CADM1: variants seen among roughly 807,000 people sequenced by gnomAD.
CADM1 encodes cell adhesion molecule 1.
A neutral mutation model predicts 53.1 loss-of-function variants in CADM1; 15 were observed. That is an observed-to-expected ratio of 0.28 (90% CI 0.19 to 0.44). The LOEUF is 0.44. Among genes scored for constraint, CADM1 ranks in the 20% least tolerant of loss-of-function variants. The probability of loss-of-function intolerance (pLI) is 1.00; values close to 1 mark genes in which losing one functional copy is unlikely to be tolerated. For missense variants in CADM1, 434 were observed against 611.3 expected (o/e 0.71, Z 3.06); for synonymous variants, 281 against 243.0 (o/e 1.16, Z -1.45).
At chr11:115,181,239 G>T (rs1939298580) in intron 10 of CADM1, among the ~76,000 whole-genome samples, 1 of 152,068 alleles carries the variant, frequency 6.6e-6, no homozygotes, top group South Asian at 2.1e-4. Context: ...CAAACAAAAA[G>T]ATCTCACGAG....
At position 115,427,940 on chromosome 11, in the gene CADM1, A is replaced by G. The variant is rs1947933954; in HGVS notation, c.124+76331T>C. Among the ~76,000 whole-genome samples the G allele has an allele frequency of 2.8e-5, 4 of 141,846 alleles. No individual in the cohort carries two copies. The South Asian group carries it at 9.5e-4, about 34-fold the overall frequency. The allele number at this position is 141,846 out of a possible 152,430, so 93.1% of individuals were successfully genotyped here. On this transcript the variant is annotated intron_variant, in intron 1 of 11. Coordinates refer to ENST00000331581, the MANE Select transcript of CADM1 (RefSeq NM_001301043.2). The stretch of plus-strand genomic sequence containing the variant: ...GAGAATCCTTAAGCCCATGAGGCGG[A>G]GCTTGCAGTGAATCAAGATCATGCC...
At chr11:115,330,279 C>T (rs1385568942) in intron 1 of CADM1, among the ~76,000 whole-genome samples, 2 of 152,018 alleles carry the variant, frequency 1.3e-5, no homozygotes, top group African/African-American at 2.4e-5. Context: ...TTAAAGTTCT[C>T]ATTTACTAGA....
intron 1 of CADM1, among the ~76,000 whole-genome samples, chr11:115,355,809 T>C (rs1244787852): frequency 6.6e-6 from 1 of 152,122 alleles, no homozygotes; most frequent in African/African-American, 2.4e-5. Context: ...TATTACTCTT[T>C]TCCTGAGGTA....
chr11:115,329,004 A>G (rs1005740017), intron 1 of CADM1, among the ~76,000 whole-genome samples: 6 of 151,670 alleles, frequency 4.0e-5, no homozygotes, highest in Admixed American at 3.9e-4. Flanking sequence ...TAAACCTTCA[A>G]TAAATTTTAA....
At chr11:115,327,323 A>G (rs1181137432) in intron 1 of CADM1, among the ~76,000 whole-genome samples, 1 of 152,010 alleles carries the variant, frequency 6.6e-6, no homozygotes, top group East Asian at 1.9e-4. Context: ...CATGCAGCCA[A>G]TTTTCCAGCA....
intron 1 of CADM1, among the ~76,000 whole-genome samples, chr11:115,410,540 G>A (rs561989144): frequency 6.6e-6 from 1 of 152,268 alleles, no homozygotes; most frequent in South Asian, 2.1e-4. Flanking sequence ...GAAGCAGAGG[G>A]TGCATTATGT....
At chr11:115,416,518 T>C (rs1947601370) in intron 1 of CADM1, among the ~76,000 whole-genome samples, 1 of 152,112 alleles carries the variant, frequency 6.6e-6, no homozygotes, top group African/African-American at 2.4e-5. Context: ...CAAGCACAGA[T>C]AAAGCACACT....
intron 1 of CADM1, among the ~76,000 whole-genome samples, chr11:115,488,036 GA>G (rs11404998): frequency 1.4e-5 from 2 of 147,424 alleles, no homozygotes; most frequent in African/African-American, 2.5e-5. Context: ...GCAATCCCTG[GA>G]AAAAAAAAAA....
At chr11:115,238,995 T>C (rs531822112) in intron 2 of CADM1, among the ~76,000 whole-genome samples, 1 of 151,934 alleles carries the variant, frequency 6.6e-6, no homozygotes, top group East Asian at 1.9e-4. Flanking sequence ...ATACTAGAGA[T>C]AGACAAAAAG....
intron 8 of CADM1, among the ~76,000 whole-genome samples, chr11:115,201,568 T>C (rs1458496822): frequency 6.6e-6 from 1 of 152,238 alleles, no homozygotes; most frequent in African/African-American, 2.4e-5. Context: ...GGTGACCATA[T>C]TGTTGGGTAA....
At chr11:115,347,969 T>C (rs1339669814) in intron 1 of CADM1, among the ~76,000 whole-genome samples, 1 of 152,188 alleles carries the variant, frequency 6.6e-6, no homozygotes, top group Non-Finnish European at 1.5e-5. Context: ...GAACATATGA[T>C]ATAATGCTCT....
intron 1 of CADM1, among the ~76,000 whole-genome samples, chr11:115,408,204 G>C (rs1591788887): frequency 1.3e-5 from 2 of 152,216 alleles, no homozygotes; most frequent in East Asian, 1.9e-4. Context: ...TTTTACATGT[G>C]AACACTGGAA....
At chr11:115,230,056 T>A (rs1032296046) in intron 4 of CADM1, among the ~76,000 whole-genome samples, 4 of 152,210 alleles carry the variant, frequency 2.6e-5, no homozygotes, top group African/African-American at 9.7e-5. Flanking sequence ...TCTTTTAATG[T>A]TTTGTACTTA....
At chr11:115,259,290 C>CTTTTTTTTTTT (rs71066411) in intron 1 of CADM1, among the ~76,000 whole-genome samples, 3 of 55,056 alleles carry the variant, frequency 5.4e-5, no homozygotes, top group African/African-American at 2.2e-4. Context: ...CCAGTCTTAA[C>CTTTTTTTTTTT]TTTTTTTTTT....
At chr11:115,179,019 AG>A (rs895255585) in intron 10 of CADM1, 6 of 514,490 alleles carry the variant, frequency 1.2e-5, no homozygotes, top group African/African-American at 1.2e-4. Context: ...ATGTGGAACA[AG>A]CTTAGGGAGG....
At chr11:115,199,880 G>A (rs1242152271) in intron 8 of CADM1, among the ~76,000 whole-genome samples, 1 of 152,208 alleles carries the variant, frequency 6.6e-6, no homozygotes, top group Non-Finnish European at 1.5e-5. Context: ...GAGCTGTGGA[G>A]ACGCCAAAAG....
At chr11:115,478,738 T>G (rs1326881826) in intron 1 of CADM1, among the ~76,000 whole-genome samples, 3 of 152,170 alleles carry the variant, frequency 2.0e-5, no homozygotes, top group African/African-American at 4.8e-5. Flanking sequence ...GCCAATTAGA[T>G]AGTATGCATT....
At chr11:115,243,858 A>T (rs1013440524) in intron 1 of CADM1, among the ~76,000 whole-genome samples, 4 of 152,248 alleles carry the variant, frequency 2.6e-5, no homozygotes, top group African/African-American at 7.2e-5. Flanking sequence ...GTCAAGGCAG[A>T]AACAGGACAT....
intron 10 of CADM1, among the ~76,000 whole-genome samples, chr11:115,184,198 C>A (rs1464123772): frequency 6.6e-6 from 1 of 151,722 alleles, no homozygotes; most frequent in Non-Finnish European, 1.5e-5. Context: ...CATAATCTGA[C>A]CTAAAAAAAA....
Sources: gnomAD v4.1 joint callset for allele counts (sites outside exome capture counted in the v4.1 genomes callset) on GRCh38, gnomAD v4.1.1 for gene constraint, MANE v1.5 for transcripts, NCBI Gene and HGNC (gene_info 2026-07-23, HGNC 2026-07-21) for gene names.